The following USP25 variants were observed in gnomAD, a reference collection of about 807,000 sequenced individuals.
USP25 encodes ubiquitin specific peptidase 25.
In USP25, 85 loss-of-function variants were observed where a neutral mutation model predicts 158.5. The observed-to-expected ratio is 0.54, with a 90% CI of 0.45 to 0.64. The LOEUF (loss-of-function observed/expected upper bound fraction) is 0.64. Ranked by LOEUF, USP25 falls within the 30% of genes least tolerant of loss-of-function variation. USP25 has a pLI of 0.00. For missense variants in USP25, 1,242 were observed against 1,327.3 expected (o/e 0.94, Z 1.00); for synonymous variants, 464 against 460.4 (o/e 1.01, Z -0.10).
At chr21:15,757,799 A>C (rs1770814263) in intron 1 of USP25, among the ~76,000 whole-genome samples, 1 of 152,216 alleles carries the variant, frequency 6.6e-6, no homozygotes, top group South Asian at 2.1e-4. Context: ...AAGGAAATAC[A>C]TCATGTGTGA....
chr21:15,796,742 A>C (rs1026056427), intron 5 of USP25, among the ~76,000 whole-genome samples: 1 of 151,392 alleles, frequency 6.6e-6, no homozygotes, highest in Non-Finnish European at 1.5e-5. Context: ...CTCTCTTAGA[A>C]GATAGTATTA....
chr21:15,745,510 T>G (rs1032984624), intron 1 of USP25, among the ~76,000 whole-genome samples: 3 of 148,792 alleles, frequency 2.0e-5, no homozygotes, highest in South Asian at 4.3e-4. Flanking sequence ...AATTTCACTC[T>G]TATTGCCCAG....
chr21:15,741,579 C>T (rs531167545), intron 1 of USP25, among the ~76,000 whole-genome samples: 8 of 152,186 alleles, frequency 5.3e-5, no homozygotes, highest in Admixed American at 2.0e-4. Flanking sequence ...GTATATTTCC[C>T]TAATGACTAA....
chr21:15,863,166 G>A (rs1419423083), intron 20 of USP25, among the ~76,000 whole-genome samples: 2 of 151,722 alleles, frequency 1.3e-5, no homozygotes, highest in African/African-American at 4.8e-5. Flanking sequence ...TACAATATGT[G>A]TAAATCTATA....
rs75177880 is a variant in USP25 at position 15,795,098 on chromosome 21, T to C, written c.555+3434T>C. 4.9e-4 allele frequency among the ~76,000 whole-genome samples: 74 copies of C among 151,718 alleles called. No individual in the cohort carries two copies. The East Asian group carries it at 0.012, about 25-fold the overall frequency. ...CTGCCCCTTGAAAGAGACCTGTATC[T>C]AATCCATTTCTTCTCTATCTTCATT... On this transcript the variant is annotated intron_variant, in intron 5 of 25. Coordinates refer to ENST00000400183, the MANE Select transcript of USP25 (RefSeq NM_001283041.3).
chr21:15,812,489 A>G (rs779785608), intron 9 of USP25, among the ~76,000 whole-genome samples: 18 of 152,094 alleles, frequency 1.2e-4, no homozygotes, highest in Non-Finnish European at 1.8e-4. Context: ...TCTACTAAAA[A>G]TACAAAAAAA....
At chr21:15,808,759 A>ATT in intron 7 of USP25, 50 bp from the exon 8 acceptor site, 18 of 1,219,468 alleles carry the variant, frequency 1.5e-5, no homozygotes, top group East Asian at 2.8e-5. Context: ...AACATCTAGT[A>ATT]TTTTTTTTTT....
rs367693984 is a variant in USP25 at position 15,828,312 on chromosome 21, G to A, written c.1693+1109G>A. Among the ~76,000 whole-genome samples, 9 of 152,296 alleles carry A rather than the reference G, an allele frequency of 5.9e-5. No individual in the cohort carries two copies. The South Asian group carries it at 8.3e-4, about 14-fold the overall frequency. On this transcript the variant is annotated intron_variant, in intron 14 of 25. Coordinates refer to ENST00000400183, the MANE Select transcript of USP25 (RefSeq NM_001283041.3). ...GTGTTGATGAAGCACTATATTAGGC[G>A]TTGGGTAATTTTCTACTCCTCATGG...
chr21:15,810,911 G>A (rs2036626266), intron 8 of USP25, among the ~76,000 whole-genome samples: 1 of 152,168 alleles, frequency 6.6e-6, no homozygotes, highest in Admixed American at 6.5e-5. Context: ...TAACTCCTAT[G>A]AGAGTCCTGT....
intron 23 of USP25, among the ~76,000 whole-genome samples, chr21:15,873,814 G>A (rs150818172): frequency 6.6e-6 from 1 of 152,032 alleles, no homozygotes; most frequent in African/African-American, 2.4e-5. Context: ...TTTTATGTTT[G>A]CAGGCTTTTT....
At chr21:15,768,844 G>A (rs1318095016) in intron 3 of USP25, among the ~76,000 whole-genome samples, 1 of 151,940 alleles carries the variant, frequency 6.6e-6, no homozygotes, top group Non-Finnish European at 1.5e-5. Flanking sequence ...TCTTTTTGAG[G>A]TATAAAATCT....
In USP25 at chr21:15,758,394, A is replaced by T. The variant is rs138298450; in HGVS notation, c.46-4497A>T. Among the ~76,000 whole-genome samples, 677 of 152,222 alleles carry T rather than the reference A, an allele frequency of 4.4e-3. 7 individuals carry two copies. The highest frequency in any genetic ancestry group is 7.4e-3 in the Non-Finnish European group (503 of 67,988). The stretch of plus-strand genomic sequence containing the variant: ...GTGGAAATAATTGAATCATGGGGGC[A>T]GTTTCCCCCATCCTGTTCTCATGAT... On this transcript the variant is annotated intron_variant, in intron 1 of 25. Coordinates refer to ENST00000400183, the MANE Select transcript of USP25 (RefSeq NM_001283041.3).
chr21:15,839,869 T>TA lies in USP25; in HGVS notation c.2195-2524dup, dbSNP rs765430074. 4.6e-5 allele frequency among the ~76,000 whole-genome samples: 7 copies of TA among 152,262 alleles called. No individual in the cohort carries two copies. In the South Asian group the frequency reaches 1.4e-3, roughly 32 times the overall value. On this transcript the variant is annotated intron_variant, in intron 17 of 25. Transcript: ENST00000400183. Reference sequence around the variant, plus strand: ...CATGTTCATGAAGTATCCTTCATCTTAAAAATGTTCTTTTATCTTTAGTGT... The same window carrying TA: ...CATGTTCATGAAGTATCCTTCATCTTAAAAAATGTTCTTTTATCTTTAGTGT...
chr21:15,877,237 A>T (rs1229041386), intron 24 of USP25: 1 of 152,438 alleles, frequency 6.6e-6, no homozygotes, highest in Admixed American at 6.5e-5. Context: ...TGTAAGCTCC[A>T]TGAGAGTTTT....
Position 15,826,485 on chromosome 21 carries a change from A to G in USP25, c.1466+120A>G. ...TTTGATTTACTTCAGTGAACTCCTA[A>G]GAGTAGATTCACTTAGAAGACTGTA... On this transcript the variant is annotated intron_variant, in intron 13 of 25. Transcript: ENST00000400183. This position sits in a 1 kb window ranked among gnomAD's most constrained non-coding sequence, Gnocchi z 4.8. 1 of 1,173,788 alleles carries G rather than the reference A, an allele frequency of 8.5e-7. No homozygotes were observed. Among genetic ancestry groups the G allele is most frequent in the Non-Finnish European group, 1.2e-6 (1 of 832,130 alleles). 72.7% of individuals were successfully genotyped at this position (1,173,788 alleles called of 1,614,324 possible).
chr21:15,790,471 A>T (rs773654881), intron 4 of USP25, among the ~76,000 whole-genome samples: 2 of 151,986 alleles, frequency 1.3e-5, no homozygotes, highest in Non-Finnish European at 2.9e-5. Context: ...TAATATTTTG[A>T]CATTAATCTG....
rs182196034 is a variant in USP25 at position 15,808,781 on chromosome 21, A to T, written c.781-28A>T. 6.0e-5 allele frequency: 93 copies of T among 1,562,832 alleles called. No individual in the cohort carries two copies. The East Asian group carries it at 2.1e-3, about 36-fold the overall frequency. Reference sequence around the variant, plus strand: ...AGTATTTTTTTTTTAGTAGGCTCAAATATCAACAGGCTTTTTTCTTTTCAC... The same window carrying T: ...AGTATTTTTTTTTTAGTAGGCTCAATTATCAACAGGCTTTTTTCTTTTCAC... On this transcript the variant is annotated intron_variant, in intron 7 of 25. Coordinates refer to ENST00000400183, the MANE Select transcript of USP25 (RefSeq NM_001283041.3).
intron 1 of USP25, among the ~76,000 whole-genome samples, chr21:15,735,801 C>T (rs953250731): frequency 6.6e-6 from 1 of 152,144 alleles, no homozygotes; most frequent in Non-Finnish European, 1.5e-5. Context: ...CAGGGCTGAG[C>T]TGCTCATTTA....
At chr21:15,824,805 G>A (rs910475232) in intron 11 of USP25, among the ~76,000 whole-genome samples, 161 bp from the exon 12 acceptor site, 1 of 152,164 alleles carries the variant, frequency 6.6e-6, no homozygotes, top group African/African-American at 2.4e-5. Flanking sequence ...TAGTAGAGAC[G>A]AGATTTCACC....
Sources: gnomAD v4.1 joint callset for allele counts (sites outside exome capture counted in the v4.1 genomes callset) on GRCh38, gnomAD v4.1.1 for gene constraint, Gnocchi (gnomAD v3.1) non-coding constraint, MANE v1.5 for transcripts, NCBI Gene and HGNC (gene_info 2026-07-23, HGNC 2026-07-21) for gene names.